The following PDIA6 variants were observed in gnomAD, a reference collection of about 807,000 sequenced individuals.
PDIA6 encodes the protein protein disulfide-isomerase A6.
Under a neutral mutation model 58.4 loss-of-function variants are expected in PDIA6, and 29 were observed. The ratio of observed to expected loss-of-function variants is 0.50; its 90% CI spans 0.37 to 0.68. PDIA6 has a LOEUF of 0.68. PDIA6 is among the 30% of genes least tolerant of loss of function. The pLI is 0.00. For synonymous variants in PDIA6, 192 were observed against 202.6 expected (o/e 0.95, Z 0.44); for missense variants, 480 against 551.0 (o/e 0.87, Z 1.29).
chr2:10,833,312 G>A (rs907057655), upstream of PDIA6, among the ~76,000 whole-genome samples: 2 of 152,098 alleles, frequency 1.3e-5, no homozygotes, highest in Non-Finnish European at 2.9e-5. Context: ...CCCCTCCTCC[G>A]GCTCCCGCAG....
upstream of PDIA6, among the ~76,000 whole-genome samples, chr2:10,834,068 G>A (rs563499870): frequency 2.7e-4 from 41 of 152,338 alleles, no homozygotes; most frequent in African/African-American, 9.4e-4. Context: ...GGCATTAGGT[G>A]TTTTCTAAAT....
upstream of PDIA6, among the ~76,000 whole-genome samples, chr2:10,836,543 C>CTTTTT (rs111443285): frequency 7.1e-6 from 1 of 140,394 alleles, no homozygotes; most frequent in African/African-American, 2.6e-5. Flanking sequence ...CTTTTGCAGG[C>CTTTTT]TTTTTTTTTT....
chr2:10,811,055 G>C (rs1197364577), intron 1 of PDIA6, among the ~76,000 whole-genome samples: 2 of 152,156 alleles, frequency 1.3e-5, no homozygotes, highest in African/African-American at 4.8e-5. Context: ...TCCCAGAGCA[G>C]TCATCTAGAA....
intron 1 of PDIA6, among the ~76,000 whole-genome samples, chr2:10,810,780 G>A (rs913358944): frequency 1.3e-5 from 2 of 152,014 alleles, no homozygotes; most frequent in African/African-American, 2.4e-5. Context: ...CAACCCCCAA[G>A]AACACAAAAA....
At chr2:10,804,148 T>A (rs1412104525) in intron 1 of PDIA6, among the ~76,000 whole-genome samples, 1 of 151,738 alleles carries the variant, frequency 6.6e-6, no homozygotes, top group Non-Finnish European at 1.5e-5. Context: ...GACCTTGTGA[T>A]CCGCCCGCCT....
At chr2:10,835,203 G>A (rs1304281377), upstream of PDIA6, among the ~76,000 whole-genome samples, 1 of 152,146 alleles carries the variant, frequency 6.6e-6, no homozygotes, top group Non-Finnish European at 1.5e-5. Context: ...TACCTGAACC[G>A]TCCTTCCAGG....
chr2:10,793,274 C>T, intron 4 of PDIA6, 72 bp from the exon 5 acceptor site: 2 of 992,446 alleles, frequency 2.0e-6, no homozygotes, highest in Non-Finnish European at 3.2e-6. Flanking sequence ...CGGCCCAAGA[C>T]TGTGTCTTTA....
At chr2:10,826,685 T>C (rs922385993) in intron 1 of PDIA6, among the ~76,000 whole-genome samples, 1 of 152,082 alleles carries the variant, frequency 6.6e-6, no homozygotes, top group Non-Finnish European at 1.5e-5. Flanking sequence ...ATTGGGTGAA[T>C]CATATGGTGT....
At chr2:10,784,873 C>T in intron 12 of PDIA6, 61 bp downstream of exon 12, 1 of 1,238,350 alleles carries the variant, frequency 8.1e-7, no homozygotes, top group South Asian at 1.3e-5. Flanking sequence ...TGCAGAGATG[C>T]ACAGGCTCAA....
chr2:10,787,479 T>C (rs762052143), intron 10 of PDIA6, 40 bp from the exon 11 acceptor site: 20 of 1,570,848 alleles, frequency 1.3e-5, no homozygotes, highest in Non-Finnish European at 1.6e-5. Context: ...ATATGTCTTT[T>C]AAATTGCTTA....
At chr2:10,790,135 C>CA (rs1665967308) in intron 7 of PDIA6, among the ~76,000 whole-genome samples, 1 of 152,038 alleles carries the variant, frequency 6.6e-6, no homozygotes, top group African/African-American at 2.4e-5. Flanking sequence ...CACACCACCA[C>CA]ACCCGGCTAA....
intron 6 of PDIA6, 26 bp downstream of exon 6, chr2:10,791,769 C>T (rs746792035): frequency 1.9e-6 from 3 of 1,604,298 alleles, no homozygotes; most frequent in East Asian, 4.5e-5. Flanking sequence ...TGTGAATGAA[C>T]AGACTACTTA....
In PDIA6 at chr2:10,806,628, C is replaced by CGAAAGAAAGAA. The variant is rs1553339930; in HGVS notation, c.20-3989_20-3988insTTCTTTCTTTC. Among the ~76,000 whole-genome samples, 19 of 70,378 alleles carry CGAAAGAAAGAA rather than the reference C, an allele frequency of 2.7e-4. 1 individual carries two copies. Among genetic ancestry groups the CGAAAGAAAGAA allele is most frequent in the Admixed American group, 3.5e-4 (2 of 5,750 alleles). The allele number at this position is 70,378 out of a possible 152,430, so 46.2% of individuals were successfully genotyped here. On this transcript the variant is annotated intron_variant, in intron 1 of 12. Coordinates refer to ENST00000272227, the MANE Select transcript of PDIA6 (RefSeq NM_005742.4). ...AACCACATCTCCTAAAAAATAAAGA[C>CGAAAGAAAGAA]AGAAAGAAAGAAAGAAAGAAAAACG...
intron 1 of PDIA6, among the ~76,000 whole-genome samples, chr2:10,809,985 ATGAC>A (rs56155717): frequency 0.48 from 73,258 of 151,308 alleles, 19,257 homozygotes; most frequent in South Asian, 0.58. Flanking sequence ...TCAAACTAGT[ATGAC>A]TGTTTCAAGA....
chr2:10,805,068 T>G (rs1334092288), intron 1 of PDIA6, among the ~76,000 whole-genome samples: 7 of 151,938 alleles, frequency 4.6e-5, no homozygotes, highest in Non-Finnish European at 8.8e-5. Flanking sequence ...ATGGATCTAA[T>G]TAAACTAAAG....
chr2:10,799,014 G>T (rs1490930933), intron 2 of PDIA6, among the ~76,000 whole-genome samples: 2 of 149,196 alleles, frequency 1.3e-5, no homozygotes, highest in African/African-American at 2.4e-5. Flanking sequence ...TGACTGAGGT[G>T]GGGGGAGGCA....
chr2:10,815,725 A>G (rs1329685771), upstream of PDIA6, among the ~76,000 whole-genome samples: 1 of 152,030 alleles, frequency 6.6e-6, no homozygotes, highest in Non-Finnish European at 1.5e-5. Context: ...TTGTATTTTT[A>G]GTAGAGACGG....
chr2:10,824,252 C>T (rs1238999004), intron 1 of PDIA6, among the ~76,000 whole-genome samples: 1 of 151,868 alleles, frequency 6.6e-6, no homozygotes, highest in African/African-American at 2.4e-5. Context: ...TGGCTGTGTC[C>T]TTCCATTGGC....
intron 1 of PDIA6, among the ~76,000 whole-genome samples, chr2:10,812,440 G>A (rs1478480480): frequency 2.6e-5 from 4 of 151,786 alleles, no homozygotes; most frequent in African/African-American, 9.7e-5. Flanking sequence ...CAGCGCACGA[G>A]GCTCCCGCCC....
Sources: allele counts gnomAD v4.1 joint callset (sites outside exome capture counted in the v4.1 genomes callset), GRCh38; gene constraint gnomAD v4.1.1; transcripts MANE v1.5; gene names NCBI Gene and HGNC (gene_info 2026-07-23, HGNC 2026-07-21).